The following ZNF331 variants were observed in gnomAD, a reference collection of about 807,000 sequenced individuals.
ZNF331 encodes the protein C2H2-like zinc finger protein rearranged in thyroid adenomas.
ZNF331 carries 2 observed loss-of-function variants against 7.0 expected under a neutral mutation model. The ratio of observed to expected loss-of-function variants is 0.29; its 90% CI spans 0.12 to 0.90. The LOEUF (loss-of-function observed/expected upper bound fraction) is 0.90, where lower values mean the gene tolerates loss of function less well. ZNF331 is among the 40% of genes least tolerant of loss of function. The pLI, the probability that ZNF331 is intolerant of heterozygous loss-of-function variation, is 0.58. For missense variants in ZNF331, 432 were observed against 587.7 expected (o/e 0.74, Z 2.74); for synonymous variants, 196 against 205.4 (o/e 0.95, Z 0.39).
Position 53,542,819 on chromosome 19 carries a change from T to C in ZNF331, c.-138+3537T>C, listed in dbSNP as rs991488131. Reference sequence around the variant, plus strand: ...AGCGGGTTCAAGGAAGGCACTTTTGTTTTTCTTGAGACAGAGTTTCGCTCT... The same window carrying C: ...AGCGGGTTCAAGGAAGGCACTTTTGCTTTTCTTGAGACAGAGTTTCGCTCT... On this transcript the variant is annotated intron_variant, in intron 2 of 5. Transcript: ENST00000449416. Among the ~76,000 whole-genome samples the C allele has an allele frequency of 3.9e-5, 6 of 152,358 alleles. No homozygotes were observed. In the Middle Eastern group the frequency reaches 0.02, roughly 518 times the overall value.
Position 53,543,783 on chromosome 19 carries a change from C to T in ZNF331, c.-138+4501C>T, listed in dbSNP as rs536234599. ...TACTTTTATTACATTTTATCAGTGA[C>T]GAAACAGACACTATGAGGCTAACTG... On this transcript the variant is annotated intron_variant, in intron 2 of 5. Coordinates refer to ENST00000449416, the MANE Select transcript of ZNF331 (RefSeq NM_001079906.2). Among the ~76,000 whole-genome samples, 6 of 152,246 alleles carry T rather than the reference C, an allele frequency of 3.9e-5. No homozygotes were observed. The South Asian group carries it at 8.3e-4, about 21-fold the overall frequency.
chr19:53,542,877 G>A (rs748834285), intron 2 of ZNF331, among the ~76,000 whole-genome samples: 101 of 152,150 alleles, frequency 6.6e-4, no homozygotes, highest in Admixed American at 1.8e-3. Flanking sequence ...TGGCGCAATC[G>A]CGGCTCACCG....
At chr19:53,504,871 C>T in the ZNF331 span, among the ~76,000 whole-genome samples, 1 of 152,194 alleles carries the variant, frequency 6.6e-6, no homozygotes, top group African/African-American at 2.4e-5. Context: ...AAACGGCTTT[C>T]TGGAACAAGC....
intron 5 of ZNF331, among the ~76,000 whole-genome samples, chr19:53,574,145 T>A (rs6509794): frequency 0.1 from 15,766 of 152,154 alleles, 1,216 homozygotes; most frequent in African/African-American, 0.22. Flanking sequence ...TAAAGAATTT[T>A]TGAAGTTTTG....
rs186917302 is a variant in ZNF331 at position 53,550,718 on chromosome 19, G to A, written c.-137-5127G>A. Among the ~76,000 whole-genome samples, 235 of 151,324 alleles carry A rather than the reference G, an allele frequency of 1.6e-3. 1 individual carries two copies. Among genetic ancestry groups the A allele is most frequent in the Non-Finnish European group, 2.9e-3 (194 of 67,830 alleles). The stretch of plus-strand genomic sequence containing the variant: ...CGCCAGGCTAATTTTTGTGTTTTTA[G>A]TAGAGATGGGGTTTTGCCATGTTGG... On this transcript the variant is annotated intron_variant, in intron 2 of 5. Transcript: ENST00000449416.
At chr19:53,506,287 A>T in the ZNF331 span, among the ~76,000 whole-genome samples, 1 of 109,266 alleles carries the variant, frequency 9.2e-6, no homozygotes, top group Non-Finnish European at 1.9e-5. Flanking sequence ...GTGAGCGGAG[A>T]TCGCGCCACC....
At chr19:53,563,419 T>C (rs974449660) in intron 3 of ZNF331, among the ~76,000 whole-genome samples, 2 of 152,134 alleles carry the variant, frequency 1.3e-5, no homozygotes, top group African/African-American at 4.8e-5. Context: ...TCATGTCTCT[T>C]TTCTCTACTT....
At chr19:53,572,234 G>C (rs2090477782) in intron 5 of ZNF331, among the ~76,000 whole-genome samples, 1 of 152,140 alleles carries the variant, frequency 6.6e-6, no homozygotes, top group Non-Finnish European at 1.5e-5. Context: ...AAGTGAGGTT[G>C]AAAGTTACAA....
At chr19:53,518,041 C>G (rs1022386203), upstream of ZNF331, among the ~76,000 whole-genome samples, 3 of 152,102 alleles carry the variant, frequency 2.0e-5, no homozygotes, top group East Asian at 3.8e-4. Flanking sequence ...GAGGGTGTTG[C>G]CAGAGGAGAC....
rs551798933 is a variant in ZNF331 at position 53,539,073 on chromosome 19, G to C, written c.-204-143G>C. The C allele has an allele frequency of 6.6e-6, 1 of 152,148 alleles. No homozygotes were observed. The highest frequency in any genetic ancestry group is 6.5e-5 in the Admixed American group (1 of 15,278). The allele number at this position is 152,148 out of a possible 1,614,324, so 9.4% of individuals were successfully genotyped here. On this transcript the variant is annotated intron_variant, in intron 1 of 5. Transcript: ENST00000449416. The surrounding 1 kb of genome is among the most constrained non-coding windows in gnomAD (Gnocchi z 6.1). ...GGTCCCTGATGTGGGAGACAGGGAG[G>C]GGGGCAGCTCCACGCGTCATCATCT...
chr19:53,578,121 G>C lies in ZNF331; in HGVS notation c.*169G>C. On this transcript the variant is annotated 3_prime_UTR_variant, in exon 6 of 6. Transcript: ENST00000449416. ...GAGTAGCGTGATGAAATCTCTCGCT[G>C]TCCGGCTCCAGCCGGCCGGGGATGT... is the stretch of plus-strand genomic sequence containing the variant. The C allele has an allele frequency of 1.1e-6, 1 of 933,008 alleles. No homozygotes were observed. Among genetic ancestry groups the C allele is most frequent in the Non-Finnish European group, 1.5e-6 (1 of 647,590 alleles). 57.8% of individuals were successfully genotyped at this position (933,008 alleles called of 1,614,324 possible).
intron 2 of ZNF331, among the ~76,000 whole-genome samples, chr19:53,545,339 C>A (rs116337688): frequency 6.6e-6 from 1 of 152,138 alleles, no homozygotes; most frequent in Non-Finnish European, 1.5e-5. Flanking sequence ...GGAATGAGAG[C>A]GTGACTAACG....
the ZNF331 span, among the ~76,000 whole-genome samples, chr19:53,507,521 C>T: frequency 6.6e-6 from 1 of 152,264 alleles, no homozygotes; most frequent in South Asian, 2.1e-4. Flanking sequence ...ATGCCCTTCT[C>T]CACGGTCTGA....
intron 3 of ZNF331, among the ~76,000 whole-genome samples, chr19:53,559,839 TACATATAC>T: frequency 1.3e-5 from 2 of 150,142 alleles, no homozygotes; most frequent in Middle Eastern, 3.5e-3. Flanking sequence ...TATACATATA[TACATATAC>T]ACATATACAT....
upstream of ZNF331, among the ~76,000 whole-genome samples, chr19:53,516,553 G>A (rs2086909169): frequency 6.6e-6 from 1 of 152,100 alleles, no homozygotes; most frequent in Admixed American, 6.6e-5. Flanking sequence ...TGTTTTCTGA[G>A]TCAACCTTTC....
At chr19:53,510,298 G>A in the ZNF331 span, among the ~76,000 whole-genome samples, 1 of 152,120 alleles carries the variant, frequency 6.6e-6, no homozygotes, top group Admixed American at 6.5e-5. Context: ...CTTTCAGTTC[G>A]AGTGATGGTG....
At chr19:53,537,492 C>G (rs1467724425), upstream of ZNF331, 1 of 152,362 alleles carries the variant, frequency 6.6e-6, no homozygotes, top group African/African-American at 2.4e-5. Context: ...GCTGGGGTGA[C>G]ACAGCTCCTT....
intron 2 of ZNF331, among the ~76,000 whole-genome samples, chr19:53,541,160 T>C (rs2088146542): frequency 6.7e-6 from 1 of 150,066 alleles, no homozygotes; most frequent in African/African-American, 2.5e-5. Context: ...CAGGCTGGAG[T>C]GCAATGGCGT....
At chr19:53,522,229 G>A (rs2087111203) in intron 1 of ZNF331, 1 of 151,270 alleles carries the variant, frequency 6.6e-6, no homozygotes, top group African/African-American at 2.4e-5. Context: ...GTGGTCTGGG[G>A]ACAAGTGTGC....
Sources: gnomAD v4.1 joint callset for allele counts (sites outside exome capture counted in the v4.1 genomes callset) on GRCh38, gnomAD v4.1.1 for gene constraint, Gnocchi (gnomAD v3.1) non-coding constraint, MANE v1.5 for transcripts, NCBI Gene and HGNC (gene_info 2026-07-23, HGNC 2026-07-21) for gene names.